Variants in PDZRN3 observed in about 807,000 individuals in gnomAD.
PDZRN3 encodes E3 ubiquitin-protein ligase PDZRN3.
Under a neutral mutation model 85.7 loss-of-function variants are expected in PDZRN3, and 38 were observed. The ratio of observed to expected loss-of-function variants is 0.44; its 90% confidence interval spans 0.34 to 0.58. The LOEUF is 0.58. Among genes scored for constraint, PDZRN3 ranks in the 20% least tolerant of loss-of-function variants. The probability of loss-of-function intolerance (pLI) is 0.01; values close to 1 mark genes in which losing one functional copy is unlikely to be tolerated. For missense variants in PDZRN3, 1,629 were observed against 1,506.4 expected (o/e 1.08, Z -1.35); for synonymous variants, 759 against 638.0 (o/e 1.19, Z -2.86).
chr3:73,496,595 C>T (rs1703871672), intron 3 of PDZRN3, among the ~76,000 whole-genome samples: 1 of 150,918 alleles, frequency 6.6e-6, no homozygotes, highest in South Asian at 2.1e-4. Context: ...ATTATAACTA[C>T]AATGCTAATA....
intron 3 of PDZRN3, among the ~76,000 whole-genome samples, chr3:73,528,803 C>A (rs1178587348): frequency 6.6e-6 from 1 of 151,808 alleles, no homozygotes; most frequent in Non-Finnish European, 1.5e-5. Context: ...GAGGTCTGTG[C>A]ATCAATGCTT....
chr3:73,443,500 G>GGGA (rs1702687644), intron 3 of PDZRN3, among the ~76,000 whole-genome samples: 1 of 39,830 alleles, frequency 2.5e-5, no homozygotes, highest in Non-Finnish European at 4.4e-5. Flanking sequence ...TTTTTTTTTG[G>GGGA]GGGGGGGACA....
At chr3:73,569,267 T>C (rs1702006081) in intron 3 of PDZRN3, 8 of 1,274,144 alleles carry the variant, frequency 6.3e-6, no homozygotes, top group Admixed American at 2.4e-5. Context: ...GCCCGAAGAA[T>C]GTCGTATGAA....
intron 5 of PDZRN3, among the ~76,000 whole-genome samples, chr3:73,399,540 T>A (rs1701708698): frequency 6.6e-6 from 1 of 152,188 alleles, no homozygotes; most frequent in Admixed American, 6.5e-5. Context: ...GGAACATACA[T>A]AACAAATTAA....
At chr3:73,443,925 C>G (rs1330752908) in intron 3 of PDZRN3, among the ~76,000 whole-genome samples, 1 of 152,144 alleles carries the variant, frequency 6.6e-6, no homozygotes, top group Non-Finnish European at 1.5e-5. Flanking sequence ...ATAATCACAT[C>G]AATTTCAAAA....
At position 73,565,786 on chromosome 3, in the gene PDZRN3, A is replaced by AACACACACACAC. The variant is rs61564723; in HGVS notation, c.918+36556_918+36567dup. Among the ~76,000 whole-genome samples the AACACACACACAC allele has an allele frequency of 1.7e-3, 64 of 37,966 alleles. 1 individual carries two copies. Among genetic ancestry groups the AACACACACACAC allele is most frequent in the Admixed American group, 8.4e-3 (24 of 2,850 alleles). The allele number at this position is 37,966 out of a possible 152,430, so 24.9% of individuals were successfully genotyped here. A position where few individuals can be genotyped will look rare whatever the true frequency, so the allele number is the denominator to read the frequency against. On this transcript the variant is annotated intron_variant, in intron 3 of 9. Coordinates refer to ENST00000263666, the MANE Select transcript of PDZRN3 (RefSeq NM_015009.3). ...AACCCTGTCTCTACTAAAAATACAA[A>AACACACACACAC]ACACACACACACACACACACACACA... is the stretch of plus-strand genomic sequence containing the variant.
chr3:73,489,675 C>T (rs1257227020), intron 3 of PDZRN3, among the ~76,000 whole-genome samples: 7 of 146,132 alleles, frequency 4.8e-5, no homozygotes, highest in African/African-American at 1.3e-4. Context: ...TCGGTTCAAG[C>T]GATTCTCCTG....
intron 3 of PDZRN3, among the ~76,000 whole-genome samples, chr3:73,592,936 T>A (rs1484090637): frequency 6.6e-6 from 1 of 152,200 alleles, no homozygotes; most frequent in Non-Finnish European, 1.5e-5. Context: ...GATGTCTGCC[T>A]ACTGCTTTGA....
chr3:73,521,450 T>TGTGTGTGAGGTCTCTGAA (rs1245629664), intron 3 of PDZRN3, among the ~76,000 whole-genome samples: 1 of 152,058 alleles, frequency 6.6e-6, no homozygotes, highest in South Asian at 2.1e-4. Context: ...GGTCTCTGAA[T>TGTGTGTGAGGTCTCTGAA]TGCCTCCAGC....
At chr3:73,474,698 C>T (rs1703414748) in intron 3 of PDZRN3, 3 of 883,634 alleles carry the variant, frequency 3.4e-6, no homozygotes, top group Non-Finnish European at 4.3e-6. Context: ...AAAAGAGGAG[C>T]AGCAGGAGCC....
chr3:73,463,422 C>T (rs1191789976), intron 3 of PDZRN3, among the ~76,000 whole-genome samples: 3 of 152,166 alleles, frequency 2.0e-5, no homozygotes, highest in Non-Finnish European at 4.4e-5. Context: ...CAGACATTCT[C>T]CATTATTTGA....
At chr3:73,442,161 C>G (rs1304513970) in intron 3 of PDZRN3, among the ~76,000 whole-genome samples, 1 of 152,124 alleles carries the variant, frequency 6.6e-6, no homozygotes, top group Non-Finnish European at 1.5e-5. Flanking sequence ...CCTGCCTCAA[C>G]CCTTGGATAT....
rs1375295405 is a variant in PDZRN3, at chr3:73,389,874, T to C, written c.1358A>G (p.Asp453Gly). ...DDIGIYISEI[D>G]PNSIAAKDGR... is the part of the protein sequence containing the mutation. ...ATCCTTGGCTGCAATGCTGTTAGGG[T>C]CAATCTGAAACACACATGGACCATC... Residue 453 changes from aspartate (D) to glycine (G), a missense_variant, in exon 7 of 10, where the codon GAC (aspartate) becomes GGC (glycine). Transcript: ENST00000263666. 3.1e-6 allele frequency: 5 copies of C among 1,613,150 alleles called. No individual in the cohort carries two copies. The highest frequency in any genetic ancestry group is 4.2e-6 in the Non-Finnish European group (5 of 1,179,130).
chr3:73,550,766 G>A (rs1041959865), intron 3 of PDZRN3, among the ~76,000 whole-genome samples: 2 of 152,192 alleles, frequency 1.3e-5, no homozygotes, highest in African/African-American at 4.8e-5. Context: ...CCAATGATCA[G>A]GGTAAGGAAA....
At chr3:73,468,437 G>A (rs754205425) in intron 3 of PDZRN3, among the ~76,000 whole-genome samples, 1 of 151,356 alleles carries the variant, frequency 6.6e-6, no homozygotes, top group African/African-American at 2.4e-5. Flanking sequence ...AAATACAGTC[G>A]CTTACTCTTT....
At chr3:73,438,668 ATCTT>A (rs1702576977) in intron 3 of PDZRN3, among the ~76,000 whole-genome samples, 1 of 152,194 alleles carries the variant, frequency 6.6e-6, no homozygotes, top group African/African-American at 2.4e-5. Flanking sequence ...GGATCTTTCC[ATCTT>A]TCTTCTGGAT....
rs936503776 is a variant in PDZRN3, at chr3:73,488,218, C to T, written c.919-83823G>A. ...GGTTTCCTTGGGATTAAAGCCTCTG[C>T]CTTTTAGGAAGAAATTAACCCAAGA... On this transcript the variant is annotated intron_variant, in intron 3 of 9. Coordinates refer to ENST00000263666, the MANE Select transcript of PDZRN3 (RefSeq NM_015009.3). Among the ~76,000 whole-genome samples the T allele has an allele frequency of 2.0e-5, 3 of 152,232 alleles. No homozygotes were observed. The East Asian group carries it at 5.8e-4, about 29-fold the overall frequency.
At chr3:73,557,214 C>A (rs1243012793) in intron 3 of PDZRN3, among the ~76,000 whole-genome samples, 2 of 152,062 alleles carry the variant, frequency 1.3e-5, no homozygotes, top group Admixed American at 1.3e-4. Flanking sequence ...AGGAAAAGGC[C>A]AAGAGCTGGA....
intron 3 of PDZRN3, among the ~76,000 whole-genome samples, chr3:73,482,072 A>C (rs1703573229): frequency 6.6e-6 from 1 of 152,210 alleles, no homozygotes; most frequent in Non-Finnish European, 1.5e-5. Flanking sequence ...GAGTGATAAC[A>C]CTGAGAGCAC....
Sources: gnomAD v4.1 joint callset for allele counts (sites outside exome capture counted in the v4.1 genomes callset) on GRCh38, gnomAD v4.1.1 for gene constraint, MANE v1.5 for transcripts, NCBI Gene and HGNC (gene_info 2026-07-23, HGNC 2026-07-21) for gene names.